Variants in SLCO5A1 observed in about 807,000 individuals in gnomAD.
SLCO5A1 encodes the protein solute carrier organic anion transporter family member 5A1, also known as organic anion transporter polypeptide-related protein 4.
Under a neutral mutation model 65.1 loss-of-function variants are expected in SLCO5A1, and 39 were observed. That is an observed-to-expected ratio of 0.60 (90% CI 0.46 to 0.78). The LOEUF is 0.78. Among genes scored for constraint, SLCO5A1 ranks in the 30% least tolerant of loss-of-function variants. The pLI is 0.00. For missense variants in SLCO5A1, 1,029 were observed against 1,069.4 expected (o/e 0.96, Z 0.53); for synonymous variants, 438 against 415.7 (o/e 1.05, Z -0.65).
intron 2 of SLCO5A1, among the ~76,000 whole-genome samples, chr8:69,787,797 G>T (rs1481791657): frequency 6.6e-6 from 1 of 152,096 alleles, no homozygotes; most frequent in Admixed American, 6.5e-5. Context: ...ATGAGAACTG[G>T]TATATGCAAA....
At chr8:69,784,902 GAA>G (rs1554620882) in intron 2 of SLCO5A1, among the ~76,000 whole-genome samples, 3 of 44,362 alleles carry the variant, frequency 6.8e-5, no homozygotes, top group African/African-American at 3.0e-4. Flanking sequence ...AAGGAAGAAA[GAA>G]AGAAAGAAAG....
chr8:69,776,354 T>C (rs536159954), intron 2 of SLCO5A1, among the ~76,000 whole-genome samples: 8 of 152,300 alleles, frequency 5.3e-5, no homozygotes, highest in African/African-American at 1.9e-4. Flanking sequence ...TAAGTGAAAA[T>C]GAAGGATACA....
At chr8:69,825,308 G>A (rs1292622323) in intron 2 of SLCO5A1, among the ~76,000 whole-genome samples, 2 of 152,140 alleles carry the variant, frequency 1.3e-5, no homozygotes, top group Non-Finnish European at 2.9e-5. Context: ...GAAATAAAGG[G>A]TATTCAATTA....
At chr8:69,772,592 AG>A (rs2130875047) in intron 2 of SLCO5A1, among the ~76,000 whole-genome samples, 2 of 132,570 alleles carry the variant, frequency 1.5e-5, no homozygotes, top group Admixed American at 1.5e-4. Context: ...AGGAAAGGAA[AG>A]GAAAGGAAAG....
chr8:69,706,492 G>A (rs966742055), intron 5 of SLCO5A1, among the ~76,000 whole-genome samples: 18 of 152,328 alleles, frequency 1.2e-4, no homozygotes, highest in African/African-American at 4.1e-4. Flanking sequence ...GCCTTTGGAA[G>A]GTGATTAAGT....
intron 6 of SLCO5A1, among the ~76,000 whole-genome samples, chr8:69,696,606 T>C (rs1814508178): frequency 6.6e-6 from 1 of 152,226 alleles, no homozygotes; most frequent in African/African-American, 2.4e-5. Context: ...ACTTCTACTC[T>C]AGATGTTGAG....
At chr8:69,688,680 T>C (rs1814106281) in intron 6 of SLCO5A1, among the ~76,000 whole-genome samples, 1 of 152,364 alleles carries the variant, frequency 6.6e-6, no homozygotes, top group South Asian at 2.1e-4. Flanking sequence ...TCATTTTTTA[T>C]GGCTGTACAG....
intron 4 of SLCO5A1, among the ~76,000 whole-genome samples, chr8:69,750,904 T>C (rs1001696769): frequency 6.6e-6 from 1 of 152,170 alleles, no homozygotes; most frequent in African/African-American, 2.4e-5. Flanking sequence ...GCACCCTCTA[T>C]AGAGTGAACA....
chr8:69,740,140 C>A (rs553046688), intron 4 of SLCO5A1, among the ~76,000 whole-genome samples: 3 of 152,196 alleles, frequency 2.0e-5, no homozygotes, highest in Admixed American at 1.3e-4. Context: ...CTGCTGTTAT[C>A]TAAGAAGAAT....
rs1008175136 is a variant in SLCO5A1 at position 69,804,689 on chromosome 8, G to C, written c.907+27078C>G. ...TATTTTTGTATGCCTTTTTCAGCAT[G>C]CCAAGGAAAACAAAGGGAAGGTGAT... On this transcript the variant is annotated intron_variant, in intron 2 of 9. Transcript: ENST00000260126. 5.9e-5 allele frequency among the ~76,000 whole-genome samples: 9 copies of C among 152,118 alleles called. No individual in the cohort carries two copies. In the East Asian group the frequency reaches 1.7e-3, roughly 29 times the overall value.
At chr8:69,686,812 G>A (rs940360272) in intron 6 of SLCO5A1, among the ~76,000 whole-genome samples, 13 of 152,210 alleles carry the variant, frequency 8.5e-5, no homozygotes, top group African/African-American at 3.1e-4. Context: ...CCTGGAGAAA[G>A]CTCTAATGCA....
At chr8:69,708,953 G>C (rs974058887) in intron 5 of SLCO5A1, among the ~76,000 whole-genome samples, 1 of 152,138 alleles carries the variant, frequency 6.6e-6, no homozygotes, top group Admixed American at 6.5e-5. Context: ...GTTTCAAGGA[G>C]AAAATAGACA....
intron 8 of SLCO5A1, among the ~76,000 whole-genome samples, chr8:69,678,834 A>G (rs1813650104): frequency 6.6e-6 from 1 of 150,984 alleles, no homozygotes; most frequent in East Asian, 1.9e-4. Context: ...ACATTCCCCA[A>G]TATGCCCTTT....
At chr8:69,690,255 G>A (rs1388115312) in intron 6 of SLCO5A1, among the ~76,000 whole-genome samples, 2 of 152,200 alleles carry the variant, frequency 1.3e-5, no homozygotes, top group African/African-American at 4.8e-5. Flanking sequence ...AGATGACGAG[G>A]CATTTGGCTA....
intron 2 of SLCO5A1, among the ~76,000 whole-genome samples, chr8:69,797,480 G>A (rs534547393): frequency 3.3e-5 from 5 of 152,338 alleles, no homozygotes; most frequent in African/African-American, 9.6e-5. Flanking sequence ...TCTGACTGCC[G>A]GTGAGCTGGG....
intron 2 of SLCO5A1, among the ~76,000 whole-genome samples, chr8:69,813,766 A>G (rs561592722): frequency 6.6e-6 from 1 of 152,320 alleles, no homozygotes; most frequent in Non-Finnish European, 1.5e-5. Flanking sequence ...GTACTAGAAC[A>G]CTTAAGAGGC....
chr8:69,681,524 C>T (rs546319954), intron 7 of SLCO5A1, among the ~76,000 whole-genome samples: 12 of 151,952 alleles, frequency 7.9e-5, no homozygotes, highest in Non-Finnish European at 1.6e-4. Flanking sequence ...ACCTGGGAGG[C>T]GGAGGTTGAG....
At chr8:69,783,457 C>T (rs902792175) in intron 2 of SLCO5A1, among the ~76,000 whole-genome samples, 4 of 151,204 alleles carry the variant, frequency 2.6e-5, no homozygotes, top group African/African-American at 7.3e-5. Context: ...TCTGTACCTA[C>T]GAAAAATTTT....
intron 9 of SLCO5A1, among the ~76,000 whole-genome samples, chr8:69,674,714 C>T (rs1318111094): frequency 6.6e-6 from 1 of 151,884 alleles, no homozygotes; most frequent in Non-Finnish European, 1.5e-5. Context: ...AGGGGCAAAG[C>T]AAAAAGAAGA....
Sources: allele counts gnomAD v4.1 joint callset (sites outside exome capture counted in the v4.1 genomes callset), GRCh38; gene constraint gnomAD v4.1.1; transcripts MANE v1.5; gene names NCBI Gene and HGNC (gene_info 2026-07-23, HGNC 2026-07-21).